Variants in PCDH9 observed in about 807,000 individuals in gnomAD.
The protein encoded by PCDH9 is protocadherin-9.
In PCDH9, 24 loss-of-function variants were observed where a neutral mutation model predicts 70.6. That is an observed-to-expected ratio of 0.34 (90% CI 0.25 to 0.48). PCDH9 has a LOEUF of 0.48. Among genes scored for constraint, PCDH9 ranks in the 20% least tolerant of loss-of-function variants. The pLI, the probability that PCDH9 is intolerant of heterozygous loss-of-function variation, is 0.99. For synonymous variants in PCDH9, 562 were observed against 558.5 expected (o/e 1.01, Z -0.09); for missense variants, 1,281 against 1,503.6 (o/e 0.85, Z 2.45).
intron 2 of PCDH9, among the ~76,000 whole-genome samples, chr13:66,982,657 C>A (rs1454635312): frequency 1.3e-5 from 2 of 152,158 alleles, no homozygotes; most frequent in African/African-American, 2.4e-5. Context: ...ATTTCTGCCA[C>A]CTCTGTCGAA....
chr13:66,837,152 T>G (rs896228982), intron 3 of PCDH9, among the ~76,000 whole-genome samples: 7 of 152,186 alleles, frequency 4.6e-5, no homozygotes, highest in Non-Finnish European at 1.0e-4. Context: ...AGCTTGCACT[T>G]TTGAGGTATA....
chr13:66,587,480 A>G (rs1266740136), intron 4 of PCDH9, among the ~76,000 whole-genome samples: 1 of 152,148 alleles, frequency 6.6e-6, no homozygotes, highest in African/African-American at 2.4e-5. Context: ...ATGTTGTGTT[A>G]GCACTCTAAA....
At chr13:66,939,236 A>G (rs1373621870) in intron 2 of PCDH9, among the ~76,000 whole-genome samples, 1 of 152,186 alleles carries the variant, frequency 6.6e-6, no homozygotes, top group Non-Finnish European at 1.5e-5. Flanking sequence ...TTTCTTAAAT[A>G]TATTGTATTA....
intron 4 of PCDH9, among the ~76,000 whole-genome samples, chr13:66,626,070 T>A (rs2138918287): frequency 6.6e-6 from 1 of 152,310 alleles, no homozygotes; most frequent in Admixed American, 6.5e-5. Flanking sequence ...GAGATTTTTT[T>A]TTCTTGTTGC....
intron 2 of PCDH9, among the ~76,000 whole-genome samples, chr13:67,173,323 C>A (rs1228597106): frequency 1.3e-5 from 2 of 152,134 alleles, no homozygotes; most frequent in Non-Finnish European, 2.9e-5. Flanking sequence ...CTAAGAGGTA[C>A]AGGTATTGAA....
At chr13:66,732,267 A>G (rs2079088639) in intron 3 of PCDH9, among the ~76,000 whole-genome samples, 1 of 151,942 alleles carries the variant, frequency 6.6e-6, no homozygotes, top group South Asian at 2.1e-4. Context: ...TTCTATGGGA[A>G]CATTATAAAT....
At chr13:66,427,157 A>G (rs558960083) in intron 4 of PCDH9, among the ~76,000 whole-genome samples, 1 of 151,790 alleles carries the variant, frequency 6.6e-6, no homozygotes, top group Admixed American at 6.6e-5. Flanking sequence ...TTATAAAAAT[A>G]GAGATGGTCA....
At chr13:66,643,351 C>T (rs74095616) in intron 3 of PCDH9, among the ~76,000 whole-genome samples, 11,367 of 151,978 alleles carry the variant, frequency 0.075, 470 homozygotes, top group South Asian at 0.13. Flanking sequence ...TCTTTTCTCC[C>T]GGGTAGAGGA....
At chr13:66,512,281 A>ATT (rs1555301522) in intron 4 of PCDH9, among the ~76,000 whole-genome samples, 1 of 120,324 alleles carries the variant, frequency 8.3e-6, no homozygotes, top group Admixed American at 7.9e-5. Flanking sequence ...TACCTTAGGA[A>ATT]TTATATATAT....
intron 2 of PCDH9, among the ~76,000 whole-genome samples, chr13:66,953,115 A>G (rs1203032845): frequency 1.3e-5 from 2 of 152,188 alleles, no homozygotes; most frequent in East Asian, 3.8e-4. Flanking sequence ...AGATTACTAG[A>G]TATATGATCT....
rs1445790400 is a variant in PCDH9 at position 66,707,681 on chromosome 13, T to A, written c.3139-76270A>T. Among the ~76,000 whole-genome samples the A allele has an allele frequency of 1.1e-3, 162 of 152,314 alleles. 4 individuals are homozygous for A. The highest frequency in any genetic ancestry group is 1.5e-4 in the Non-Finnish European group (10 of 68,038). ...AGAAATTGGAAAAGAAACATGCTCC[T>A]CTCTCTACTCAGGTCACTCACTTAT... On this transcript the variant is annotated intron_variant, in intron 3 of 4. Coordinates refer to ENST00000377865, the MANE Select transcript of PCDH9 (RefSeq NM_203487.3).
rs992239723 is a variant in PCDH9, at chr13:66,329,439, C to T, written c.3341-24411G>A. Among the ~76,000 whole-genome samples the T allele has an allele frequency of 2.0e-5, 3 of 152,052 alleles. No individual in the cohort carries two copies. The South Asian group carries it at 6.2e-4, about 31-fold the overall frequency. ...AAGTATATAATTTCAACTAATTATC[C>T]CACCTCCCCTTATCTTTCCTCCTCA... On this transcript the variant is annotated intron_variant, in intron 4 of 4. Transcript: ENST00000377865.
intron 4 of PCDH9, among the ~76,000 whole-genome samples, chr13:66,462,373 G>C (rs1047175172): frequency 6.6e-6 from 1 of 151,854 alleles, no homozygotes; most frequent in Non-Finnish European, 1.5e-5. Context: ...TCAGAAATAA[G>C]GAAGTCAGGA....
intron 2 of PCDH9, chr13:66,978,236 A>T (rs904691296): frequency 1.3e-5 from 2 of 152,046 alleles, no homozygotes; most frequent in Non-Finnish European, 2.9e-5. Context: ...AAATGGGAGA[A>T]TTATGTTCAG....
intron 4 of PCDH9, among the ~76,000 whole-genome samples, chr13:66,432,488 AT>A (rs1223478148): frequency 2.0e-5 from 3 of 151,998 alleles, no homozygotes; most frequent in Non-Finnish European, 1.5e-5. Flanking sequence ...AAGTTACTTA[AT>A]TTTTGTAACA....
intron 3 of PCDH9, among the ~76,000 whole-genome samples, chr13:66,637,329 T>C (rs971444952): frequency 3.3e-5 from 5 of 152,216 alleles, no homozygotes; most frequent in Admixed American, 6.5e-5. Flanking sequence ...GTTTGAAAGA[T>C]GAGACTTAAA....
chr13:66,862,692 T>G (rs1362207032), intron 3 of PCDH9, among the ~76,000 whole-genome samples: 1 of 152,180 alleles, frequency 6.6e-6, no homozygotes, highest in East Asian at 1.9e-4. Flanking sequence ...ATGAAGTCCA[T>G]TTTTTCCTAA....
intron 4 of PCDH9, among the ~76,000 whole-genome samples, chr13:66,420,226 C>A (rs894183645): frequency 4.6e-5 from 7 of 152,164 alleles, no homozygotes; most frequent in Admixed American, 3.9e-4. Flanking sequence ...ACCGAGGGTA[C>A]AGGCAGCTGT....
chr13:66,747,992 A>T (rs1271193806), intron 3 of PCDH9, among the ~76,000 whole-genome samples: 1 of 152,220 alleles, frequency 6.6e-6, no homozygotes, highest in Non-Finnish European at 1.5e-5. Context: ...AATTAAAACA[A>T]AAACATTTAA....
Sources: gnomAD v4.1 joint callset for allele counts (sites outside exome capture counted in the v4.1 genomes callset) on GRCh38, gnomAD v4.1.1 for gene constraint, MANE v1.5 for transcripts, NCBI Gene and HGNC (gene_info 2026-07-23, HGNC 2026-07-21) for gene names.